The following EIPR1 variants were observed in gnomAD, a reference collection of about 807,000 sequenced individuals.
EIPR1 encodes the protein EARP complex and GARP complex interacting protein 1.
In EIPR1, 25 loss-of-function variants were observed where a neutral mutation model predicts 48.1. The ratio of observed to expected loss-of-function variants is 0.52; its 90% CI spans 0.38 to 0.73. The LOEUF is 0.73. Ranked by LOEUF, EIPR1 falls within the 30% of genes least tolerant of loss-of-function variation. EIPR1 has a pLI of 0.00. For missense variants in EIPR1, 415 were observed against 506.2 expected (o/e 0.82, Z 1.73); for synonymous variants, 204 against 201.9 (o/e 1.01, Z -0.09).
rs1318940357 is a variant in EIPR1 at position 3,194,065 on chromosome 2, T to C, written c.755A>G (p.Lys252Arg). 6.2e-7 allele frequency: 1 copy of C among 1,613,942 alleles called. No homozygotes were observed. Among genetic ancestry groups the C allele is most frequent in the East Asian group, 2.2e-5 (1 of 44,870 alleles). Residue 252 changes from lysine (K) to arginine (R), a missense_variant, in exon 7 of 9, where the codon AAG (lysine) becomes AGG (arginine). Coordinates refer to ENST00000382125, the MANE Select transcript of EIPR1 (RefSeq NM_003310.5). Reference sequence around the variant, plus strand: ...ATTTCGGGTGTCCCAGAACTTCACCTTACAGTCGTCTCCGCAGCTGGCCAA... The same window carrying C: ...ATTTCGGGTGTCCCAGAACTTCACCCTACAGTCGTCTCCGCAGCTGGCCAA... The part of the protein sequence containing the change: ...YYLASCGDDC[K>R]VKFWDTRNVT...
At chr2:3,322,275 G>A (rs575194034) in intron 3 of EIPR1, among the ~76,000 whole-genome samples, 3 of 152,200 alleles carry the variant, frequency 2.0e-5, no homozygotes, top group African/African-American at 4.8e-5. Flanking sequence ...TGGCTGTGTC[G>A]CTCATGTCTG....
intron 4 of EIPR1, among the ~76,000 whole-genome samples, chr2:3,218,183 G>A (rs1315211180): frequency 2.7e-5 from 4 of 149,798 alleles, no homozygotes; most frequent in South Asian, 2.1e-4. Flanking sequence ...CACCCAACAC[G>A]GCCCTGATAC....
intron 1 of EIPR1, among the ~76,000 whole-genome samples, chr2:3,365,857 A>T (rs1208161874): frequency 1.3e-5 from 2 of 151,986 alleles, no homozygotes; most frequent in Non-Finnish European, 2.9e-5. Flanking sequence ...ACAAAATGAA[A>T]AGTCTCCCAT....
intron 3 of EIPR1, among the ~76,000 whole-genome samples, chr2:3,278,172 AG>A (rs376339075): frequency 1.1e-3 from 172 of 152,308 alleles, no homozygotes; most frequent in African/African-American, 4.0e-3. Flanking sequence ...CAGGCCCCAG[AG>A]GCCCAGGGGA....
rs761538207 is a variant in EIPR1 at position 3,327,475 on chromosome 2, C to T, written c.259+10542G>A. The stretch of plus-strand genomic sequence containing the variant: ...CTGGGATAACAGGTGTGAGTCACTG[C>T]GCTGGCCCTTTTCCATTTTTAAAAA... On this transcript the variant is annotated intron_variant, in intron 3 of 8. Transcript: ENST00000382125. 9.2e-5 allele frequency among the ~76,000 whole-genome samples: 14 copies of T among 152,162 alleles called. No homozygotes were observed. The East Asian group carries it at 1.5e-3, about 17-fold the overall frequency.
chr2:3,321,708 G>A (rs1669535930), intron 3 of EIPR1, among the ~76,000 whole-genome samples: 1 of 152,142 alleles, frequency 6.6e-6, no homozygotes, highest in Non-Finnish European at 1.5e-5. Context: ...ATCTGTAGAG[G>A]AGGATACAGT....
chr2:3,206,107 G>GAAGAAA (rs1310692712), intron 5 of EIPR1, among the ~76,000 whole-genome samples: 1 of 152,268 alleles, frequency 6.6e-6, no homozygotes, highest in African/African-American at 2.4e-5. Context: ...TCAGGATGCA[G>GAAGAAA]AAGAAAAAGA....
intron 4 of EIPR1, among the ~76,000 whole-genome samples, chr2:3,226,717 C>T (rs1666078082): frequency 6.6e-6 from 1 of 152,168 alleles, no homozygotes; most frequent in South Asian, 2.1e-4. Flanking sequence ...GCTTGGTGTT[C>T]TCACCCAAAT....
intron 4 of EIPR1, among the ~76,000 whole-genome samples, chr2:3,226,292 G>A (rs1045214654): frequency 2.6e-5 from 4 of 152,084 alleles, no homozygotes; most frequent in Non-Finnish European, 5.9e-5. Context: ...CTTATCTTTT[G>A]TCTTTTTCAT....
intron 3 of EIPR1, chr2:3,301,450 T>A (rs1280712741): frequency 6.6e-6 from 1 of 151,656 alleles, no homozygotes. Context: ...TGGCCTTCAC[T>A]CCCTGTGCCT....
At chr2:3,319,221 C>G in intron 3 of EIPR1, 1 of 331,994 alleles carries the variant, frequency 3.0e-6, no homozygotes, top group Admixed American at 3.9e-5. Flanking sequence ...AAATCTGTGC[C>G]TCAGAAGCAG....
At chr2:3,336,884 AAAGG>A (rs1558306931) in intron 3 of EIPR1, among the ~76,000 whole-genome samples, 86 of 105,104 alleles carry the variant, frequency 8.2e-4, no homozygotes, top group Non-Finnish European at 1.3e-3. Flanking sequence ...AGGGAAGGGA[AAAGG>A]GAAGGGAAGG....
At chr2:3,334,639 G>A (rs553313232) in intron 3 of EIPR1, among the ~76,000 whole-genome samples, 1 of 152,390 alleles carries the variant, frequency 6.6e-6, no homozygotes, top group East Asian at 1.9e-4. Context: ...GAGTCAAGCA[G>A]CTGTGCTGCT....
chr2:3,332,683 G>A (rs1412604463), intron 3 of EIPR1, among the ~76,000 whole-genome samples: 1 of 152,142 alleles, frequency 6.6e-6, no homozygotes, highest in Non-Finnish European at 1.5e-5. Flanking sequence ...TCATGGAGAT[G>A]CATTTTTCTT....
chr2:3,342,916 C>G (rs1356738063), intron 2 of EIPR1, among the ~76,000 whole-genome samples: 1 of 152,214 alleles, frequency 6.6e-6, no homozygotes, highest in African/African-American at 2.4e-5. Flanking sequence ...GCTGTTCAAA[C>G]AGGATGCCAT....
intron 4 of EIPR1, among the ~76,000 whole-genome samples, chr2:3,256,798 G>C (rs1203060774): frequency 6.6e-6 from 1 of 152,240 alleles, no homozygotes; most frequent in East Asian, 1.9e-4. Flanking sequence ...CCAAGCTCAT[G>C]AAGCAGCGAC....
intron 4 of EIPR1, among the ~76,000 whole-genome samples, chr2:3,237,504 A>G (rs1666449571): frequency 6.6e-6 from 1 of 152,174 alleles, no homozygotes; most frequent in East Asian, 1.9e-4. Flanking sequence ...ACTTTATCGT[A>G]TGTATTGCAC....
chr2:3,219,798 T>TG (rs1281937642), intron 4 of EIPR1, among the ~76,000 whole-genome samples: 1 of 152,016 alleles, frequency 6.6e-6, no homozygotes, highest in Non-Finnish European at 1.5e-5. Flanking sequence ...ACACCCGGCA[T>TG]GGCTCTGGTA....
intron 3 of EIPR1, among the ~76,000 whole-genome samples, chr2:3,313,051 G>A (rs752789248): frequency 2.6e-5 from 4 of 152,330 alleles, no homozygotes; most frequent in South Asian, 2.1e-4. Flanking sequence ...GAAAGGTACA[G>A]GACGTATATT....
Sources: allele counts gnomAD v4.1 joint callset (sites outside exome capture counted in the v4.1 genomes callset), GRCh38; gene constraint gnomAD v4.1.1; transcripts MANE v1.5; gene names NCBI Gene and HGNC (gene_info 2026-07-23, HGNC 2026-07-21).